The following BMP7 variants were observed in gnomAD, a reference collection of about 807,000 sequenced individuals.
The protein encoded by BMP7 is bone morphogenetic protein 7.
Under a neutral mutation model 41.2 loss-of-function variants are expected in BMP7, and 12 were observed. The ratio of observed to expected loss-of-function variants is 0.29; its 90% CI spans 0.19 to 0.47. The LOEUF (loss-of-function observed/expected upper bound fraction) is 0.47, where lower values mean the gene tolerates loss of function less well. Ranked by LOEUF, BMP7 falls within the 20% of genes least tolerant of loss-of-function variation. The pLI, the probability that BMP7 is intolerant of heterozygous loss-of-function variation, is 0.99. For missense variants in BMP7, 467 were observed against 606.0 expected (o/e 0.77, Z 2.41); for synonymous variants, 248 against 250.0 (o/e 0.99, Z 0.07).
At chr20:57,241,285 C>T (rs1291493541) in intron 1 of BMP7, among the ~76,000 whole-genome samples, 4 of 152,214 alleles carry the variant, frequency 2.6e-5, no homozygotes, top group African/African-American at 4.8e-5. Flanking sequence ...TCGATGCACT[C>T]GCCACATAAA....
At chr20:57,184,940 A>C (rs1984177028) in intron 3 of BMP7, among the ~76,000 whole-genome samples, 4 of 152,228 alleles carry the variant, frequency 2.6e-5, no homozygotes, top group Admixed American at 2.6e-4. Context: ...CTATTGTTTC[A>C]AGCCACCCAG....
intron 4 of BMP7, among the ~76,000 whole-genome samples, chr20:57,183,189 C>T (rs531099713): frequency 4.6e-5 from 7 of 151,632 alleles, no homozygotes; most frequent in African/African-American, 1.2e-4. Context: ...AAGCCGAGAT[C>T]GCACCACTGC....
intron 1 of BMP7, among the ~76,000 whole-genome samples, chr20:57,241,253 C>A (rs546773919): frequency 6.6e-6 from 1 of 152,284 alleles, no homozygotes; most frequent in African/African-American, 2.4e-5. Flanking sequence ...CTGAGCTGAA[C>A]CATGCTCTGC....
intron 1 of BMP7, among the ~76,000 whole-genome samples, chr20:57,231,201 C>T (rs946506340): frequency 6.6e-6 from 1 of 152,242 alleles, no homozygotes; most frequent in African/African-American, 2.4e-5. Context: ...TTCCATTTCA[C>T]AGTGCTTGTG....
At chr20:57,196,124 T>C (rs1460405987) in intron 3 of BMP7, among the ~76,000 whole-genome samples, 1 of 152,136 alleles carries the variant, frequency 6.6e-6, no homozygotes, top group Admixed American at 6.5e-5. Flanking sequence ...GGAGACACCA[T>C]GAACCAGGAC....
chr20:57,233,479 A>G (rs1344163706), intron 1 of BMP7, among the ~76,000 whole-genome samples: 1 of 152,222 alleles, frequency 6.6e-6, no homozygotes, highest in Non-Finnish European at 1.5e-5. Context: ...TAAGAGGGGA[A>G]ATTCTGGGCT....
intron 1 of BMP7, among the ~76,000 whole-genome samples, chr20:57,235,355 G>A (rs999475196): frequency 6.6e-6 from 1 of 152,176 alleles, no homozygotes; most frequent in Admixed American, 6.5e-5. Flanking sequence ...TGGTGAACAC[G>A]TGTCCACTGG....
intron 1 of BMP7, among the ~76,000 whole-genome samples, chr20:57,240,735 G>A (rs6099512): frequency 6.6e-6 from 1 of 152,192 alleles, no homozygotes; most frequent in Non-Finnish European, 1.5e-5. Flanking sequence ...GAGAAAATGA[G>A]GAAGATGCAA....
chr20:57,200,901 G>C lies in BMP7; in HGVS notation c.760+1574C>G, dbSNP rs192614573. On this transcript the variant is annotated intron_variant, in intron 3 of 6. Transcript: ENST00000395863. ...AAGGTTTCCCACTGAAGCCCTGTTT[G>C]TGAGACCAAAAGACTAGAAAACACC... Among the ~76,000 whole-genome samples, 126 of 152,354 alleles carry C rather than the reference G, an allele frequency of 8.3e-4. 2 individuals are homozygous for C. Among genetic ancestry groups the C allele is most frequent in the Admixed American group, 5.6e-3 (86 of 15,304 alleles).
chr20:57,242,935 G>A (rs6127976), intron 1 of BMP7, among the ~76,000 whole-genome samples: 24,319 of 151,564 alleles, frequency 0.16, 2,154 homozygotes, highest in Admixed American at 0.23. Context: ...CCCAGGAGGC[G>A]GAGGTTGCAG....
At chr20:57,180,110 C>T (rs1052576250) in intron 4 of BMP7, among the ~76,000 whole-genome samples, 4 of 152,118 alleles carry the variant, frequency 2.6e-5, no homozygotes, top group African/African-American at 9.7e-5. Context: ...GAGTCTCCGG[C>T]CTCTGAGCAC....
chr20:57,182,957 G>A (rs1165036296), intron 4 of BMP7, among the ~76,000 whole-genome samples: 1 of 152,274 alleles, frequency 6.6e-6, no homozygotes, highest in Non-Finnish European at 1.5e-5. Flanking sequence ...CCACCTGGCC[G>A]GGTGCAGTGG....
rs75596078 is a variant in BMP7 at position 57,219,557 on chromosome 20, C to T, written c.611+8672G>A. Among the ~76,000 whole-genome samples the T allele has an allele frequency of 8.1e-3, 1,227 of 152,226 alleles. 19 individuals carry two copies. The highest frequency in any genetic ancestry group is 0.028 in the African/African-American group (1,169 of 41,524). ...CAGAAGCCAGGGCTGCTACCGAATGCCCTACTATGCCCAGGATGGCCCTTA... is the reference window on the plus strand; with the variant it reads ...CAGAAGCCAGGGCTGCTACCGAATGTCCTACTATGCCCAGGATGGCCCTTA... On this transcript the variant is annotated intron_variant, in intron 2 of 6. Transcript: ENST00000395863.
chr20:57,208,020 G>A (rs1027710797), intron 2 of BMP7, among the ~76,000 whole-genome samples: 3 of 151,606 alleles, frequency 2.0e-5, no homozygotes, highest in African/African-American at 4.8e-5. Context: ...TAGTAGAGAC[G>A]GGGTTTCACC....
chr20:57,265,856 G>A lies in BMP7; in HGVS notation c.267C>T (p.Ala89=), dbSNP rs2066175321. ...GCCCGCCGCCCTCCTCCACCGCCAT[G>A]GCGTTGTACAGGTCCAGCATGAACA... ...APMFMLDLYN[A]MAVEEGGGPG... is the part of the protein sequence containing the mutation. Residue 89 remains alanine, a synonymous_variant, in exon 1 of 7, where the codon GCC becomes GCT. Coordinates refer to ENST00000395863, the MANE Select transcript of BMP7 (RefSeq NM_001719.3). 5 of 1,607,136 alleles carry A rather than the reference G, an allele frequency of 3.1e-6. No individual in the cohort carries two copies. The highest frequency in any genetic ancestry group is 4.2e-6 in the Non-Finnish European group (5 of 1,177,208).
chr20:57,202,555 T>C lies in BMP7; in HGVS notation c.680A>G (p.Asp227Gly). Residue 227 changes from aspartate to glycine, a missense_variant, in exon 3 of 7, where the codon GAC becomes GGC. Physicochemically the swap from Asp to Gly is moderately conservative, Grantham distance 94 (BLOSUM62 -1). This residue lies in a region of BMP7 where 407 missense variants were observed against 485.9 expected (regional missense o/e 0.84). Transcript: ENST00000395863. ...CCAGTGGTTGCTGGTGGCTGTGATG[T>C]CAAACACCAGCCAGCCCTCCTCCGA... ...WASEEGWLVF[D>G]ITATSNHWVV... The C allele has an allele frequency of 6.2e-7, 1 of 1,610,860 alleles. No individual in the cohort carries two copies. The highest frequency in any genetic ancestry group is 1.1e-5 in the South Asian group (1 of 91,046).
intron 2 of BMP7, among the ~76,000 whole-genome samples, chr20:57,223,073 T>TA (rs982076619): frequency 1.3e-5 from 2 of 151,428 alleles, no homozygotes; most frequent in African/African-American, 4.9e-5. Flanking sequence ...CTACTAAAAA[T>TA]AAAAAAATCA....
At chr20:57,190,579 G>A (rs1038115820) in intron 3 of BMP7, among the ~76,000 whole-genome samples, 4 of 152,070 alleles carry the variant, frequency 2.6e-5, no homozygotes, top group Admixed American at 2.0e-4. Context: ...GGCAGGGGGC[G>A]ACGTGGCCAG....
Position 57,171,816 on chromosome 20 carries a change from T to C in BMP7, c.1147-708A>G, listed in dbSNP as rs1983822617. Among the ~76,000 whole-genome samples the C allele has an allele frequency of 1.3e-5, 2 of 152,332 alleles. No individual in the cohort carries two copies. The highest frequency in any genetic ancestry group is 4.1e-4 in the South Asian group (2 of 4,826). Reference sequence around the variant, plus strand: ...AGCCTCCAGGCTGTGACTGCTGACATAGGCCAGCATGCTTTTTACACATTT... The same window carrying C: ...AGCCTCCAGGCTGTGACTGCTGACACAGGCCAGCATGCTTTTTACACATTT... On this transcript the variant is annotated intron_variant, in intron 6 of 6. Coordinates refer to ENST00000395863, the MANE Select transcript of BMP7 (RefSeq NM_001719.3). This position sits in a 1 kb window ranked among gnomAD's most constrained non-coding sequence, Gnocchi z 4.5.
Sources: gnomAD v4.1 joint callset for allele counts (sites outside exome capture counted in the v4.1 genomes callset) on GRCh38, gnomAD v4.1.1 for gene constraint, gnomAD v4.1.1 regional missense constraint, Gnocchi (gnomAD v3.1) non-coding constraint, MANE v1.5 for transcripts, NCBI Gene and HGNC (gene_info 2026-07-23, HGNC 2026-07-21) for gene names.